The following TAFA2 variants were observed in gnomAD, a reference collection of about 807,000 sequenced individuals.
The protein encoded by TAFA2 is chemokine-like protein TAFA-2.
Under a neutral mutation model 18.8 loss-of-function variants are expected in TAFA2, and 7 were observed. The observed-to-expected ratio is 0.37, with a 90% CI of 0.21 to 0.70. The LOEUF is 0.70. Among genes scored for constraint, TAFA2 ranks in the 30% least tolerant of loss-of-function variants. The probability of loss-of-function intolerance (pLI) is 0.53; values close to 1 mark genes in which losing one functional copy is unlikely to be tolerated. For synonymous variants in TAFA2, 60 were observed against 54.2 expected, an observed-to-expected ratio of 1.11 and a Z score of -0.47; for missense variants, 122 against 158.1, an observed-to-expected ratio of 0.77 and a Z score of 1.23.
chr12:61,825,318 G>C (rs973272212), intron 2 of TAFA2, among the ~76,000 whole-genome samples: 1 of 152,002 alleles, frequency 6.6e-6, no homozygotes, highest in African/African-American at 2.4e-5. Flanking sequence ...AGTTGATAGA[G>C]AGAAACAGAA....
intron 1 of TAFA2, among the ~76,000 whole-genome samples, chr12:62,171,412 A>G (rs2062477320): frequency 6.6e-6 from 1 of 152,208 alleles, no homozygotes; most frequent in Non-Finnish European, 1.5e-5. Context: ...CAGCAATAAC[A>G]AGAAACTTCT....
chr12:61,734,004 G>C (rs9668036), intron 4 of TAFA2, among the ~76,000 whole-genome samples: 2 of 147,680 alleles, frequency 1.4e-5, no homozygotes, highest in African/African-American at 5.0e-5. Flanking sequence ...TTGTAAGTTG[G>C]ATTCCTAGGT....
In TAFA2 at chr12:62,045,626, C is replaced by T. The variant is rs1881889384; in HGVS notation, c.-2+145633G>A. Reference sequence around the variant, plus strand: ...TATGCTCTACAAACTTTTGCTATGTCTTCTATTAAAAAGCAGTAGCCTAAT... The same window carrying T: ...TATGCTCTACAAACTTTTGCTATGTTTTCTATTAAAAAGCAGTAGCCTAAT... On this transcript the variant is annotated intron_variant, in intron 1 of 4. Coordinates refer to ENST00000416284, the MANE Select transcript of TAFA2 (RefSeq NM_178539.5). 2.0e-5 allele frequency among the ~76,000 whole-genome samples: 3 copies of T among 152,262 alleles called. No individual in the cohort carries two copies. In the South Asian group the frequency reaches 6.2e-4, roughly 32 times the overall value.
chr12:61,880,848 G>A (rs1332881868), intron 1 of TAFA2: 4 of 235,530 alleles, frequency 1.7e-5, no homozygotes, highest in Non-Finnish European at 3.4e-5. Flanking sequence ...CACTGTGCAG[G>A]GGAGCACAGG....
intron 1 of TAFA2, among the ~76,000 whole-genome samples, chr12:62,073,287 T>G (rs1882679653): frequency 6.6e-6 from 1 of 152,220 alleles, no homozygotes; most frequent in South Asian, 2.1e-4. Flanking sequence ...TTACATATCT[T>G]GTATTCCTCC....
intron 1 of TAFA2, among the ~76,000 whole-genome samples, chr12:61,991,284 A>T (rs1880002133): frequency 6.6e-6 from 1 of 152,232 alleles, no homozygotes; most frequent in South Asian, 2.1e-4. Flanking sequence ...GTGCATTGTA[A>T]GTCTACCTAA....
intron 1 of TAFA2, among the ~76,000 whole-genome samples, chr12:62,222,680 T>A (rs1295944360): frequency 6.6e-6 from 1 of 151,072 alleles, no homozygotes; most frequent in Non-Finnish European, 1.5e-5. Flanking sequence ...CTAATTTTTT[T>A]TTTTTTTTTA....
At chr12:61,888,616 G>A (rs1263913869) in intron 1 of TAFA2, among the ~76,000 whole-genome samples, 2 of 152,192 alleles carry the variant, frequency 1.3e-5, no homozygotes, top group African/African-American at 2.4e-5. Flanking sequence ...AAAATTCAGT[G>A]AGAGGGTGCG....
intron 1 of TAFA2, among the ~76,000 whole-genome samples, chr12:61,867,850 T>C (rs1874426874): frequency 6.6e-6 from 1 of 152,158 alleles, no homozygotes; most frequent in African/African-American, 2.4e-5. Context: ...TTATATAGAA[T>C]TGCTTAGATG....
intron 2 of TAFA2, among the ~76,000 whole-genome samples, chr12:61,829,222 C>A (rs993851615): frequency 2.0e-5 from 3 of 151,576 alleles, no homozygotes; most frequent in Non-Finnish European, 4.4e-5. Context: ...TGGCTCCAAC[C>A]TTGATTTTAA....
intron 2 of TAFA2, among the ~76,000 whole-genome samples, chr12:61,813,945 T>C (rs1340272002): frequency 6.6e-6 from 1 of 151,476 alleles, no homozygotes; most frequent in Non-Finnish European, 1.5e-5. Flanking sequence ...TCATTTGCAA[T>C]ACACCAACAA....
chr12:62,118,133 A>C (rs1348578552), intron 1 of TAFA2, among the ~76,000 whole-genome samples: 1 of 152,020 alleles, frequency 6.6e-6, no homozygotes, highest in Non-Finnish European at 1.5e-5. Flanking sequence ...TTCATCCCAT[A>C]CTCATTATTC....
intron 1 of TAFA2, among the ~76,000 whole-genome samples, chr12:61,989,810 C>G (rs1879941151): frequency 6.6e-6 from 1 of 152,118 alleles, no homozygotes; most frequent in Admixed American, 6.5e-5. Context: ...GAAACGATAC[C>G]AATTACCCAT....
chr12:61,813,483 A>G (rs1473903536), intron 2 of TAFA2, among the ~76,000 whole-genome samples: 2 of 151,452 alleles, frequency 1.3e-5, no homozygotes, highest in African/African-American at 4.9e-5. Flanking sequence ...CTCAATATTC[A>G]GATAAGCAAA....
chr12:62,249,761 T>C (rs964783442), intron 1 of TAFA2, among the ~76,000 whole-genome samples: 2 of 152,190 alleles, frequency 1.3e-5, no homozygotes, highest in Non-Finnish European at 2.9e-5. Context: ...ACATTTTATG[T>C]GGGCTTCTTT....
chr12:62,033,444 G>A (rs1360560231), intron 1 of TAFA2, among the ~76,000 whole-genome samples: 1 of 152,052 alleles, frequency 6.6e-6, no homozygotes, highest in Non-Finnish European at 1.5e-5. Context: ...TCCTACATTT[G>A]ATCAGATCCC....
At chr12:61,723,518 C>T (rs1870001882) in intron 4 of TAFA2, among the ~76,000 whole-genome samples, 1 of 152,010 alleles carries the variant, frequency 6.6e-6, no homozygotes, top group African/African-American at 2.4e-5. Context: ...AGGGTCAGTT[C>T]CTCAATCTTT....
intron 1 of TAFA2, among the ~76,000 whole-genome samples, chr12:61,909,636 A>G (rs1421576138): frequency 6.6e-6 from 1 of 152,216 alleles, no homozygotes; most frequent in African/African-American, 2.4e-5. Flanking sequence ...ACTAACTGGC[A>G]GTGGCAGATG....
chr12:62,231,289 T>C (rs188956413), intron 1 of TAFA2, among the ~76,000 whole-genome samples: 131 of 152,346 alleles, frequency 8.6e-4, no homozygotes, highest in Non-Finnish European at 1.5e-3. Context: ...TGGGTGCATA[T>C]AGATTCACAA....
Sources: allele counts gnomAD v4.1 joint callset (sites outside exome capture counted in the v4.1 genomes callset), GRCh38; gene constraint gnomAD v4.1.1; transcripts MANE v1.5; gene names NCBI Gene and HGNC (gene_info 2026-07-23, HGNC 2026-07-21).